PHACTR1: variants seen among roughly 807,000 people sequenced by gnomAD.
PHACTR1 encodes the protein phosphatase and actin regulator 1.
Under a neutral mutation model 69.2 loss-of-function variants are expected in PHACTR1, and 16 were observed. The ratio of observed to expected loss-of-function variants is 0.23; its 90% CI spans 0.16 to 0.35. PHACTR1 has a LOEUF of 0.35. Among genes scored for constraint, PHACTR1 ranks in the 10% least tolerant of loss-of-function variants. The pLI, the probability that PHACTR1 is intolerant of heterozygous loss-of-function variation, is 1.00. For synonymous variants in PHACTR1, 312 were observed against 284.5 expected, an observed-to-expected ratio of 1.10 and a Z score of -0.97; for missense variants, 510 against 734.7, an observed-to-expected ratio of 0.69 and a Z score of 3.54.
chr6:12,768,374 A>G (rs1768937101), intron 4 of PHACTR1, among the ~76,000 whole-genome samples: 1 of 152,120 alleles, frequency 6.6e-6, no homozygotes, highest in African/African-American at 2.4e-5. Flanking sequence ...TCGGCCTCCC[A>G]AAGTGCTGGG....
At chr6:12,942,823 G>A (rs753668032) in intron 4 of PHACTR1, among the ~76,000 whole-genome samples, 8 of 152,172 alleles carry the variant, frequency 5.3e-5, no homozygotes, top group Non-Finnish European at 7.3e-5. Flanking sequence ...CTTCCTGACC[G>A]ATGCTGATAC....
At chr6:12,742,165 C>T (rs1394493993) in intron 3 of PHACTR1, among the ~76,000 whole-genome samples, 1 of 152,110 alleles carries the variant, frequency 6.6e-6, no homozygotes, top group Non-Finnish European at 1.5e-5. Context: ...ACTGTACTGG[C>T]AGAGGCATGG....
intron 4 of PHACTR1, among the ~76,000 whole-genome samples, chr6:12,901,003 C>T (rs1177982853): frequency 2.6e-5 from 4 of 152,118 alleles, no homozygotes; most frequent in Non-Finnish European, 5.9e-5. Flanking sequence ...GGCGGCCCTG[C>T]TCTTGGGAGG....
At chr6:13,045,436 CTG>C (rs1053222201) in intron 4 of PHACTR1, among the ~76,000 whole-genome samples, 4 of 152,192 alleles carry the variant, frequency 2.6e-5, no homozygotes, top group African/African-American at 7.2e-5. Context: ...TAAGGAAACA[CTG>C]TACCGTTTAC....
At chr6:13,196,460 G>A (rs992097830) in intron 7 of PHACTR1, 2 of 148,692 alleles carry the variant, frequency 1.3e-5, no homozygotes, top group South Asian at 1.9e-4. Context: ...TCACTCTGTT[G>A]CCCACGGTGG....
At chr6:12,889,505 C>T (rs539555750) in intron 4 of PHACTR1, among the ~76,000 whole-genome samples, 6 of 152,298 alleles carry the variant, frequency 3.9e-5, no homozygotes, top group African/African-American at 1.2e-4. Flanking sequence ...ATGATTTTGT[C>T]GGCCTTCTCT....
intron 4 of PHACTR1, among the ~76,000 whole-genome samples, chr6:12,892,531 G>A (rs766105951): frequency 1.1e-4 from 17 of 152,170 alleles, no homozygotes; most frequent in Non-Finnish European, 1.5e-5. Context: ...GCGAAGGACC[G>A]AGTTTGGTTG....
At chr6:13,006,554 A>G (rs1798817639) in intron 4 of PHACTR1, among the ~76,000 whole-genome samples, 1 of 152,188 alleles carries the variant, frequency 6.6e-6, no homozygotes. Context: ...TGATATTTAA[A>G]TAAGGTGATA....
At chr6:13,259,657 G>A (rs978419980) in intron 10 of PHACTR1, among the ~76,000 whole-genome samples, 9 of 152,136 alleles carry the variant, frequency 5.9e-5, no homozygotes, top group Admixed American at 5.9e-4. Context: ...ATGTCATTAT[G>A]ACCATTTGTC....
chr6:13,239,384 C>T (rs543075498), intron 10 of PHACTR1, among the ~76,000 whole-genome samples: 22 of 152,150 alleles, frequency 1.4e-4, no homozygotes, highest in Non-Finnish European at 2.6e-4. Context: ...ACTCACTGCA[C>T]GCAATAGAAA....
At chr6:12,942,697 C>G (rs1290983194) in intron 4 of PHACTR1, among the ~76,000 whole-genome samples, 1 of 152,180 alleles carries the variant, frequency 6.6e-6, no homozygotes, top group Admixed American at 6.5e-5. Context: ...TGATACATGA[C>G]AAGCCTGGGA....
chr6:12,954,243 TC>T (rs762204538), intron 4 of PHACTR1, among the ~76,000 whole-genome samples: 2 of 151,950 alleles, frequency 1.3e-5, no homozygotes, highest in Non-Finnish European at 2.9e-5. Flanking sequence ...CTGGAAATGC[TC>T]CCAGGGCCAC....
intron 5 of PHACTR1, among the ~76,000 whole-genome samples, chr6:13,065,304 T>C (rs1285800207): frequency 6.6e-6 from 1 of 151,690 alleles, no homozygotes; most frequent in Non-Finnish European, 1.5e-5. Context: ...GCCTGTGAGT[T>C]CTGAACAGAG....
At chr6:13,105,401 G>GT (rs1348858179) in intron 5 of PHACTR1, among the ~76,000 whole-genome samples, 1 of 152,006 alleles carries the variant, frequency 6.6e-6, no homozygotes, top group Non-Finnish European at 1.5e-5. Flanking sequence ...CGGGGGCGGG[G>GT]TGGGGGTGTG....
chr6:12,743,603 G>T (rs764240695), intron 3 of PHACTR1, among the ~76,000 whole-genome samples: 1 of 152,168 alleles, frequency 6.6e-6, no homozygotes, highest in South Asian at 2.1e-4. Context: ...AACAAGAAGA[G>T]CTAACTATCT....
intron 4 of PHACTR1, among the ~76,000 whole-genome samples, chr6:12,963,735 T>C (rs1399054577): frequency 6.6e-6 from 1 of 152,194 alleles, no homozygotes; most frequent in East Asian, 1.9e-4. Context: ...AACAGGTTAG[T>C]GTACAAAATT....
At chr6:13,078,169 G>A (rs1284571684) in intron 5 of PHACTR1, among the ~76,000 whole-genome samples, 1 of 151,984 alleles carries the variant, frequency 6.6e-6, no homozygotes, top group Non-Finnish European at 1.5e-5. Context: ...TGGGGGGAGT[G>A]GGTGGGGGCT....
intron 5 of PHACTR1, among the ~76,000 whole-genome samples, chr6:13,120,520 G>A (rs1401057575): frequency 5.9e-5 from 9 of 152,224 alleles, no homozygotes; most frequent in Non-Finnish European, 8.8e-5. Context: ...AGGAGAAAGT[G>A]TAGGAGTGGT....
intron 3 of PHACTR1, among the ~76,000 whole-genome samples, chr6:12,739,288 A>G (rs549021017): frequency 1.3e-5 from 2 of 152,298 alleles, no homozygotes; most frequent in South Asian, 4.1e-4. Context: ...GATCATCATT[A>G]TCAGAAATAG....
Sources: allele counts gnomAD v4.1 joint callset (sites outside exome capture counted in the v4.1 genomes callset), GRCh38; gene constraint gnomAD v4.1.1; transcripts MANE v1.5; gene names NCBI Gene and HGNC (gene_info 2026-07-23, HGNC 2026-07-21).